Variants in P3H1 observed in about 807,000 individuals in gnomAD.
The protein encoded by P3H1 is growth suppressor 1.
In P3H1, 69 loss-of-function variants were observed where a neutral mutation model predicts 84.0. The observed-to-expected ratio is 0.82, with a 90% confidence interval of 0.68 to 1.00. P3H1 has a LOEUF of 1.00. P3H1 is among the 50% of genes least tolerant of loss of function. P3H1 has a pLI of 0.00. For synonymous variants in P3H1, 366 were observed against 388.8 expected (o/e 0.94, Z 0.69); for missense variants, 878 against 962.8 (o/e 0.91, Z 1.17).
Position 42,755,635 on chromosome 1 carries a change from A to T in P3H1, c.1083T>A (p.Ser361Arg), listed in dbSNP as rs1004081205. The T allele has an allele frequency of 6.2e-7, 1 of 1,612,806 alleles. No homozygotes were observed. Among genetic ancestry groups the T allele is most frequent in the African/African-American group, 1.3e-5 (1 of 74,828 alleles). Residue 361 changes from serine to arginine, a missense_variant and splice_region_variant, in exon 6 of 15, where the codon AGT becomes AGA. Ser to Arg is a moderately radical substitution (Grantham distance 110). Transcript: ENST00000296388. The stretch of plus-strand genomic sequence containing the variant: ...GGCTTCGCTGTCGGTACTCCTTGGC[A>T]CTCTGAGGGTAAAAAAGCAAACAAA... ...EHTRSIGPRE[S>R]AKEYRQRSLL...
Position 42,757,851 on chromosome 1 carries a change from T to C in P3H1, c.1012A>G (p.Asn338Asp). The C allele has an allele frequency of 1.2e-6, 2 of 1,614,212 alleles. No homozygotes were observed. Among genetic ancestry groups the C allele is most frequent in the Non-Finnish European group, 1.7e-6 (2 of 1,180,030 alleles). Residue 338 changes from asparagine to aspartate, a missense_variant, in exon 5 of 15, where the codon AAC (asparagine) becomes GAC (aspartate). Physicochemically the swap from Asn to Asp is conservative, Grantham distance 23 (BLOSUM62 1). Coordinates refer to ENST00000296388, the MANE Select transcript of P3H1 (RefSeq NM_022356.4). ...LLFFPNDEVM[N>D]QNLAYYAAML... ...GCTGCATAATAGGCCAAATTTTGGT[T>C]CATCACCTCGTCATTGGGGAAGAAG...
intron 10 of P3H1, among the ~76,000 whole-genome samples, chr1:42,750,804 TC>T (rs1652020116): frequency 6.8e-6 from 1 of 146,924 alleles, no homozygotes; most frequent in Non-Finnish European, 1.5e-5. Flanking sequence ...AGCCGCCCCG[TC>T]CGGGAGGGAG....
chr1:42,762,177 T>TA, intron 2 of P3H1, 146 bp downstream of exon 2: 1 of 783,540 alleles, frequency 1.3e-6, no homozygotes, highest in East Asian at 2.6e-5. Context: ...AGGCCGAGAC[T>TA]AGAGGGTCTC....
At chr1:42,753,773 A>G (rs1012891318) in intron 8 of P3H1, among the ~76,000 whole-genome samples, 3 of 152,088 alleles carry the variant, frequency 2.0e-5, no homozygotes, top group Non-Finnish European at 2.9e-5. Context: ...ATACAAAAAA[A>G]TTAGCCAGGC....
In P3H1 at chr1:42,759,252, C is replaced by T. The variant is rs201475941; in HGVS notation, c.757G>A (p.Asp253Asn). 1.6e-5 allele frequency: 26 copies of T among 1,614,166 alleles called. No homozygotes were observed. Among genetic ancestry groups the T allele is most frequent in the African/African-American group, 4.0e-5 (3 of 75,034 alleles). Residue 253 changes from aspartate (D) to asparagine (N), a missense_variant, in exon 3 of 15, where the codon GAT (aspartate) becomes AAT (asparagine). Physicochemically the swap from Asp to Asn is conservative, Grantham distance 23. Coordinates refer to ENST00000296388, the MANE Select transcript of P3H1 (RefSeq NM_022356.4). The stretch of plus-strand genomic sequence containing the variant: ...TTGTACTCAAGGTAGTTGTAGCCAT[C>T]GTAGTCATAGGGCCCTTCGCAGAGG... ...RALCEGPYDY[D>N]GYNYLEYNAD...
rs1245741224 is a variant in P3H1 at position 42,752,365 on chromosome 1, G to A, written c.1478C>T (p.Ala493Val). Residue 493 changes from alanine (A) to valine (V), a missense_variant, in exon 10 of 15, where the codon GCA (alanine) becomes GTA (valine). Physicochemically the swap from Ala to Val is moderately conservative, Grantham distance 64. Coordinates refer to ENST00000296388, the MANE Select transcript of P3H1 (RefSeq NM_022356.4). ...CQELQRLTNV[A>V]ATSGDGYRGQ... Reference sequence around the variant, plus strand: ...CCGGTAGCCATCTCCTGAGGTTGCTGCCACCTACAAGGCCCAAAACACAAG... The same window carrying A: ...CCGGTAGCCATCTCCTGAGGTTGCTACCACCTACAAGGCCCAAAACACAAG... 1 of 1,613,808 alleles carries A rather than the reference G, an allele frequency of 6.2e-7. No homozygotes were observed. Among genetic ancestry groups the A allele is most frequent in the Non-Finnish European group, 8.5e-7 (1 of 1,179,936 alleles).
In P3H1 at chr1:42,747,364, T is replaced by C. The variant is rs138939786; in HGVS notation, c.1963A>G (p.Thr655Ala). 5.5e-4 allele frequency: 880 copies of C among 1,610,568 alleles called. No individual in the cohort carries two copies. The highest frequency in any genetic ancestry group is 7.1e-4 in the Non-Finnish European group (840 of 1,178,306). ...GCCTTCACTCCATGTGGGTTTTCAG[T>C]GCCTGAAGAGAATCCCACGGCTCTT... ...CGRAVGFSSG[T>A]ENPHGVKAVT... is the part of the protein sequence containing the mutation. Residue 655 changes from threonine to alanine, a missense_variant, in exon 14 of 15, where the codon ACT becomes GCT. Transcript: ENST00000296388.
chr1:42,758,618 G>A (rs1339575075), intron 4 of P3H1, among the ~76,000 whole-genome samples: 1 of 152,170 alleles, frequency 6.6e-6, no homozygotes, highest in African/African-American at 2.4e-5. Context: ...AGTTATAGAA[G>A]GGACAAGAGA....
chr1:42,752,313 A>G lies in P3H1; in HGVS notation c.1530T>C (p.Asn510=). The G allele has an allele frequency of 6.2e-7, 1 of 1,614,016 alleles. No individual in the cohort carries two copies. The highest frequency in any genetic ancestry group is 8.5e-7 in the Non-Finnish European group (1 of 1,179,996). ...YRGQTSPHTP[N]EKFYGVTVFK... ...AGACAGTGACACCATAGAACTTTTCATTGGGAGTATGTGGGGAGGTCTGAC... is the reference window on the plus strand; with the variant it reads ...AGACAGTGACACCATAGAACTTTTCGTTGGGAGTATGTGGGGAGGTCTGAC... The change falls in exon 10 of 15, where the codon AAT becomes AAC. Residue 510 remains asparagine (N), a synonymous_variant. Coordinates refer to ENST00000296388, the MANE Select transcript of P3H1 (RefSeq NM_022356.4).
chr1:42,750,021 A>G (rs933976934), intron 11 of P3H1, 165 bp downstream of exon 11: 95 of 797,030 alleles, frequency 1.2e-4, no homozygotes, highest in Middle Eastern at 7.5e-4. Flanking sequence ...AACTTCCTCC[A>G]TGCTACTGTG....
At chr1:42,755,280 A>G (rs1389683369) in intron 6 of P3H1, 63 bp from the exon 7 acceptor site, 3 of 1,483,536 alleles carry the variant, frequency 2.0e-6, no homozygotes, top group African/African-American at 1.4e-5. Flanking sequence ...AGGTGTCTCA[A>G]TGCATAAAAT....
At chr1:42,761,376 T>G (rs1354548636) in intron 2 of P3H1, 1 of 152,232 alleles carries the variant, frequency 6.6e-6, no homozygotes, top group African/African-American at 2.4e-5. Flanking sequence ...GTCCCTCCTT[T>G]GGAACTTTTC....
At chr1:42,755,111 C>T (rs1206145766) in intron 7 of P3H1, 54 bp downstream of exon 7, 2 of 1,612,680 alleles carry the variant, frequency 1.2e-6, no homozygotes, top group African/African-American at 1.3e-5. Context: ...GCTCAGGAAG[C>T]CTCAAGTGCT....
chr1:42,755,502 G>A, intron 6 of P3H1, 46 bp downstream of exon 6: 1 of 1,476,664 alleles, frequency 6.8e-7, no homozygotes, highest in Non-Finnish European at 9.5e-7. Context: ...CATCTCTCCT[G>A]CTCACTCTTT....
chr1:42,752,434 A>G, intron 9 of P3H1, 65 bp from the exon 10 acceptor site: 1 of 1,609,698 alleles, frequency 6.2e-7, no homozygotes, highest in East Asian at 2.2e-5. Context: ...AGAGGTGGTC[A>G]ACTGTGGCCA....
Position 42,759,364 on chromosome 1 carries a change from G to A in P3H1, c.645C>T (p.Leu215=), listed in dbSNP as rs778978851. 5.0e-6 allele frequency: 8 copies of A among 1,614,054 alleles called. No individual in the cohort carries two copies. The highest frequency in any genetic ancestry group is 1.7e-5 in the Admixed American group (1 of 60,008). ...HMQEFRLGVR[L]YSEEQPQEAV... is the part of the protein sequence containing the mutation. ...CTTCCTGTGGCTGTTCCTCTGAGTA[G>A]AGTCGCACTCCCAGTCGAAATTCTT... Residue 215 remains leucine, a synonymous_variant, in exon 3 of 15, where the codon CTC becomes CTT. Coordinates refer to ENST00000296388, the MANE Select transcript of P3H1 (RefSeq NM_022356.4).
intron 7 of P3H1, 54 bp downstream of exon 7, chr1:42,755,111 C>G (rs1206145766): frequency 1.2e-6 from 2 of 1,612,680 alleles, no homozygotes; most frequent in South Asian, 2.2e-5. Context: ...GCTCAGGAAG[C>G]CTCAAGTGCT....
chr1:42,762,910 G>A (rs1652795794), intron 1 of P3H1, among the ~76,000 whole-genome samples: 1 of 151,978 alleles, frequency 6.6e-6, no homozygotes, highest in Admixed American at 6.6e-5. Context: ...TGGGCAACAT[G>A]GTGAAACCCT....
intron 1 of P3H1, among the ~76,000 whole-genome samples, chr1:42,766,182 C>T (rs1021356668): frequency 1.3e-5 from 2 of 152,256 alleles, no homozygotes; most frequent in African/African-American, 4.8e-5. Context: ...CGGACACTTA[C>T]AATGACATCA....
Sources: allele counts gnomAD v4.1 joint callset (sites outside exome capture counted in the v4.1 genomes callset), GRCh38; gene constraint gnomAD v4.1.1; transcripts MANE v1.5; gene names NCBI Gene and HGNC (gene_info 2026-07-23, HGNC 2026-07-21).